KLF14: variants seen among roughly 807,000 people sequenced by gnomAD.
KLF14 encodes the protein Krueppel-like factor 14.
Under a neutral mutation model 16.2 loss-of-function variants are expected in KLF14, and 13 were observed. The ratio of observed to expected loss-of-function variants is 0.80; its 90% confidence interval spans 0.52 to 1.28. The LOEUF is 1.28. KLF14 is among the 50% of genes most tolerant of loss of function. KLF14 has a pLI of 0.00. For synonymous variants in KLF14, 276 were observed against 233.7 expected (o/e 1.18, Z -1.65); for missense variants, 571 against 493.4 (o/e 1.16, Z -1.49).
chr7:130,734,050 C>A lies in KLF14; in HGVS notation c.-17G>T, dbSNP rs1797257924. 2 of 1,210,256 alleles carry A rather than the reference C, an allele frequency of 1.7e-6. No individual in the cohort carries two copies. Among genetic ancestry groups the A allele is most frequent in the Non-Finnish European group, 2.0e-6 (2 of 976,776 alleles). 75.0% of individuals were successfully genotyped at this position (1,210,256 alleles called of 1,614,324 possible). ...GGCCGACATGCTGGGACCGCCCGGCCGCCGGCGAGCGCCGTCCGAACGCGG... is the reference window on the plus strand; with the variant it reads ...GGCCGACATGCTGGGACCGCCCGGCAGCCGGCGAGCGCCGTCCGAACGCGG... On this transcript the variant is annotated 5_prime_UTR_variant, in exon 1 of 1. Transcript: ENST00000583337. This position sits in a 1 kb window ranked among gnomAD's most constrained non-coding sequence, Gnocchi z 4.4.
At position 130,734,155 on chromosome 7, in the gene KLF14, CCTGCCGCCTG is replaced by C. The variant is rs1400386764; in HGVS notation, c.-132_-123del. 1.1e-5 allele frequency: 5 copies of C among 471,350 alleles called. No individual in the cohort carries two copies. In the East Asian group the frequency reaches 2.8e-4, roughly 27 times the overall value. The allele number at this position is 471,350 out of a possible 1,614,324, so 29.2% of individuals were successfully genotyped here. On this transcript the variant is annotated 5_prime_UTR_variant, in exon 1 of 1. Transcript: ENST00000583337. The surrounding 1 kb of genome is among the most constrained non-coding windows in gnomAD (Gnocchi z 4.4). ...GAAGCAGGAGGCCGGGTGCTCGCCG[CCTGCCGCCTG>C]CTGCCGCCGCCGCCGCCGCAGCCGC...
rs782613455 is a variant in KLF14 at position 130,733,869 on chromosome 7, C to T, written c.165G>A (p.Pro55=). The T allele has an allele frequency of 8.2e-6, 11 of 1,337,124 alleles. No homozygotes were observed. The highest frequency in any genetic ancestry group is 1.0e-5 in the Non-Finnish European group (11 of 1,052,792). 82.8% of individuals were successfully genotyped at this position (1,337,124 alleles called of 1,614,324 possible). A position where few individuals can be genotyped will look rare whatever the true frequency, so the allele number is the denominator to read the frequency against. The change falls in exon 1 of 1, where the codon CCG becomes CCA. Residue 55 remains proline, a synonymous_variant. Coordinates refer to ENST00000583337, the MANE Select transcript of KLF14 (RefSeq NM_138693.4). This position sits in a 1 kb window ranked among gnomAD's most constrained non-coding sequence, Gnocchi z 5.2. The part of the protein sequence containing the change: ...AAPPESALPG[P]GPPGPASVPQ... ...GGACCGACGCGGGCCCCGGTGGCCC[C>T]GGACCCGGCAGAGCGGACTCCGGCG...
Position 130,732,752 on chromosome 7 carries a change from G to A in KLF14, c.*310C>T, listed in dbSNP as rs1797211796. ...TGAGAATTCCAGTTTCACATCCCTG[G>A]TTCCAGGGAGGGGAGAATCTTCAGT... On this transcript the variant is annotated 3_prime_UTR_variant, in exon 1 of 1. Coordinates refer to ENST00000583337, the MANE Select transcript of KLF14 (RefSeq NM_138693.4). 3.8e-6 allele frequency: 1 copy of A among 264,458 alleles called. No individual in the cohort carries two copies. Among genetic ancestry groups the A allele is most frequent in the Non-Finnish European group, 7.2e-6 (1 of 138,780 alleles). The allele number at this position is 264,458 out of a possible 1,614,324, so 16.4% of individuals were successfully genotyped here. A position where few individuals can be genotyped will look rare whatever the true frequency, so the allele number is the denominator to read the frequency against.
At position 130,733,379 on chromosome 7, in the gene KLF14, G is replaced by A. The variant is rs781895082; in HGVS notation, c.655C>T (p.His219Tyr). 6.2e-7 allele frequency: 1 copy of A among 1,614,164 alleles called. No individual in the cohort carries two copies. The highest frequency in any genetic ancestry group is 1.1e-5 in the South Asian group (1 of 91,072). ...CAGGAGAAAGGGCGCTCACCCGTGT[G>A]GGTGCGCTGGTGGGACTTGAGGTGC... ...SSHLKSHQRT[H>Y]TGERPFSCDW... Residue 219 changes from histidine to tyrosine, a missense_variant, in exon 1 of 1, where the codon CAC becomes TAC. Coordinates refer to ENST00000583337, the MANE Select transcript of KLF14 (RefSeq NM_138693.4). This position sits in a 1 kb window ranked among gnomAD's most constrained non-coding sequence, Gnocchi z 5.2.
At position 130,734,005 on chromosome 7, in the gene KLF14, T is replaced by C. The variant is rs1554471212; in HGVS notation, c.29A>G (p.Tyr10Cys). ...GGACACCAGGCACTCGGCGGCGAAG[T>C]AGTCCAGGCACGCCACGGCGGCCGA... Reference protein sequence around the residue: MSAAVACLDYFAAECLVSMS... With the variant: MSAAVACLDCFAAECLVSMS... Residue 10 changes from tyrosine (Y) to cysteine (C), a missense_variant, in exon 1 of 1, where the codon TAC becomes TGC. Tyr to Cys is a radical substitution (Grantham distance 194). Transcript: ENST00000583337. This position sits in a 1 kb window ranked among gnomAD's most constrained non-coding sequence, Gnocchi z 4.4. The C allele has an allele frequency of 2.2e-6, 3 of 1,367,750 alleles. No individual in the cohort carries two copies. The highest frequency in any genetic ancestry group is 1.5e-5 in the South Asian group (1 of 68,572). 84.7% of individuals were successfully genotyped at this position (1,367,750 alleles called of 1,614,324 possible). A position where few individuals can be genotyped will look rare whatever the true frequency, so the allele number is the denominator to read the frequency against.
Position 130,733,942 on chromosome 7 carries a change from T to C in KLF14, c.92A>G (p.Asp31Gly). The change falls in exon 1 of 1, where the codon GAC becomes GGC. Residue 31 changes from aspartate (D) to glycine (G), a missense_variant. Physicochemically the swap from Asp to Gly is moderately conservative, Grantham distance 94. Coordinates refer to ENST00000583337, the MANE Select transcript of KLF14 (RefSeq NM_138693.4). This position sits in a 1 kb window ranked among gnomAD's most constrained non-coding sequence, Gnocchi z 5.2. ...AGCGGCTCCACCCGCGCCCTCGGGG[T>C]CCGGCGGGCGGCGGTGAACCACGGC... ...AGAVVHRRPPDPEGAGGAAGS... is the reference protein window; with the variant it reads ...AGAVVHRRPPGPEGAGGAAGS... 3 of 1,357,502 alleles carry C rather than the reference T, an allele frequency of 2.2e-6. No homozygotes were observed. Among genetic ancestry groups the C allele is most frequent in the Non-Finnish European group, 1.9e-6 (2 of 1,052,384 alleles). 84.1% of individuals were successfully genotyped at this position (1,357,502 alleles called of 1,614,324 possible). A position where few individuals can be genotyped will look rare whatever the true frequency, so the allele number is the denominator to read the frequency against.
chr7:130,733,651 T>C lies in KLF14; in HGVS notation c.383A>G (p.Glu128Gly). The C allele has an allele frequency of 6.4e-7, 1 of 1,553,838 alleles. No homozygotes were observed. The highest frequency in any genetic ancestry group is 8.7e-7 in the Non-Finnish European group (1 of 1,153,882). ...CGCGGCGCCGGAGGCGGGAGCCAGC[T>C]CGGAGCACGGGGTCTGGACGGAGCA... Reference protein sequence around the residue: ...IPCSVQTPCSELAPASGAAAV... With the variant: ...IPCSVQTPCSGLAPASGAAAV... The change falls in exon 1 of 1, where the codon GAG (glutamate) becomes GGG (glycine). Residue 128 changes from glutamate (E) to glycine (G), a missense_variant. By Grantham distance (98) the Glu-to-Gly change is moderately conservative. Coordinates refer to ENST00000583337, the MANE Select transcript of KLF14 (RefSeq NM_138693.4). The surrounding 1 kb of genome is among the most constrained non-coding windows in gnomAD (Gnocchi z 5.2).
chr7:130,733,975 G>A lies in KLF14; in HGVS notation c.59C>T (p.Ser20Phe). ...YFAAECLVSM[S>F]AGAVVHRRPP... The stretch of plus-strand genomic sequence containing the variant: ...GCGGCGGTGAACCACGGCGCCCGCG[G>A]ACATGGACACCAGGCACTCGGCGGC... The change falls in exon 1 of 1, where the codon TCC (serine) becomes TTC (phenylalanine). Residue 20 changes from serine (S) to phenylalanine (F), a missense_variant. Coordinates refer to ENST00000583337, the MANE Select transcript of KLF14 (RefSeq NM_138693.4). This position sits in a 1 kb window ranked among gnomAD's most constrained non-coding sequence, Gnocchi z 5.2. 9 of 1,380,074 alleles carry A rather than the reference G, an allele frequency of 6.5e-6. No homozygotes were observed. Among genetic ancestry groups the A allele is most frequent in the Non-Finnish European group, 8.5e-6 (9 of 1,062,048 alleles). 85.5% of individuals were successfully genotyped at this position (1,380,074 alleles called of 1,614,324 possible).
rs1797209244 is a variant in KLF14, at chr7:130,732,636, A to C, written c.*426T>G. 1 of 169,498 alleles carries C rather than the reference A, an allele frequency of 5.9e-6. No homozygotes were observed. The highest frequency in any genetic ancestry group is 1.9e-4 in the South Asian group (1 of 5,226). The allele number at this position is 169,498 out of a possible 1,614,324, so 10.5% of individuals were successfully genotyped here. On this transcript the variant is annotated 3_prime_UTR_variant, in exon 1 of 1. Coordinates refer to ENST00000583337, the MANE Select transcript of KLF14 (RefSeq NM_138693.4). ...ACCATCCCAGTCCTGGACATTTCCA[A>C]GACTGCCACCCCTGACACCCTCTCC...
rs1554470995 is a variant in KLF14 at position 130,733,656 on chromosome 7, G to A, written c.378C>T (p.Cys126=). 1.9e-6 allele frequency: 3 copies of A among 1,557,528 alleles called. No homozygotes were observed. Among genetic ancestry groups the A allele is most frequent in the Non-Finnish European group, 2.6e-6 (3 of 1,155,796 alleles). Reference sequence around the variant, plus strand: ...CGCCGGAGGCGGGAGCCAGCTCGGAGCACGGGGTCTGGACGGAGCACGGGA... The same window carrying A: ...CGCCGGAGGCGGGAGCCAGCTCGGAACACGGGGTCTGGACGGAGCACGGGA... ...DPIPCSVQTP[C]SELAPASGAA... is the part of the protein sequence containing the mutation. The change falls in exon 1 of 1, where the codon TGC becomes TGT. Residue 126 remains cysteine (C), a synonymous_variant. Coordinates refer to ENST00000583337, the MANE Select transcript of KLF14 (RefSeq NM_138693.4). The surrounding 1 kb of genome is among the most constrained non-coding windows in gnomAD (Gnocchi z 5.2).
rs111731678 is a variant in KLF14, at chr7:130,733,917, A to T, written c.117T>A (p.Ala39=). ...GCGGCGCCGCACCCACCTCCGAGCCAGCGGCTCCACCCGCGCCCTCGGGGT... is the reference window on the plus strand; with the variant it reads ...GCGGCGCCGCACCCACCTCCGAGCCTGCGGCTCCACCCGCGCCCTCGGGGT... ...PPDPEGAGGA[A]GSEVGAAPPE... The change falls in exon 1 of 1, where the codon GCT becomes GCA. Residue 39 remains alanine (A), a synonymous_variant. Transcript: ENST00000583337. The surrounding 1 kb of genome is among the most constrained non-coding windows in gnomAD (Gnocchi z 5.2). 1,082,069 of 1,354,838 alleles carry T rather than the reference A, an allele frequency of 0.8. 433,672 individuals are homozygous for T. The highest frequency in any genetic ancestry group is 0.81 in the South Asian group (50,180 of 61,754). 83.9% of individuals were successfully genotyped at this position (1,354,838 alleles called of 1,614,324 possible). A position where few individuals can be genotyped will look rare whatever the true frequency, so the allele number is the denominator to read the frequency against.
chr7:130,731,002 C>T lies in KLF14; in HGVS notation c.*2060G>A, dbSNP rs1368136384. Among the ~76,000 whole-genome samples the T allele has an allele frequency of 6.6e-6, 1 of 152,196 alleles. No individual in the cohort carries two copies. Among genetic ancestry groups the T allele is most frequent in the Non-Finnish European group, 1.5e-5 (1 of 68,030 alleles). On this transcript the variant is annotated 3_prime_UTR_variant, in exon 1 of 1. Coordinates refer to ENST00000583337, the MANE Select transcript of KLF14 (RefSeq NM_138693.4). ...TCCCACATGTAACTCAACAGCCCCA[C>T]CTTCCCTGCTTAGCCTTCATTAGGA...
At position 130,733,758 on chromosome 7, in the gene KLF14, C is replaced by T; in HGVS notation, c.276G>A (p.Leu92=). 1 of 1,528,894 alleles carries T rather than the reference C, an allele frequency of 6.5e-7. No homozygotes were observed. The highest frequency in any genetic ancestry group is 8.7e-7 in the Non-Finnish European group (1 of 1,145,640). The allele number at this position is 1,528,894 out of a possible 1,614,324, so 94.7% of individuals were successfully genotyped here. ...AGGAGCCCTCGCCAGAGCTGCCGCG[C>T]AAGTCCGCCCAGACGCTTGCAGCCA... The part of the protein sequence containing the change: ...HLLAASVWAD[L]RGSSGEGSWE... The change falls in exon 1 of 1, where the codon TTG becomes TTA. Residue 92 remains leucine, a synonymous_variant. Transcript: ENST00000583337. The surrounding 1 kb of genome is among the most constrained non-coding windows in gnomAD (Gnocchi z 5.2).
rs1349016720 is a variant in KLF14, at chr7:130,733,854, GGGCCCCGGT to G, written c.171_179del (p.Pro58_Pro60del). On this transcript the variant is annotated inframe_deletion, in exon 1 of 1. Coordinates refer to ENST00000583337, the MANE Select transcript of KLF14 (RefSeq NM_138693.4). The surrounding 1 kb of genome is among the most constrained non-coding windows in gnomAD (Gnocchi z 5.2). ...CCTGCGGGAGCTGGGGGACCGACGC[GGGCCCCGGT>G]GGCCCCGGACCCGGCAGAGCGGACT... The G allele has an allele frequency of 2.8e-5, 37 of 1,343,232 alleles. No individual in the cohort carries two copies. The highest frequency in any genetic ancestry group is 2.8e-4 in the Middle Eastern group (1 of 3,622). 83.2% of individuals were successfully genotyped at this position (1,343,232 alleles called of 1,614,324 possible).
Position 130,734,167 on chromosome 7 carries a change from T to C in KLF14, c.-134A>G, listed in dbSNP as rs1180659608. On this transcript the variant is annotated 5_prime_UTR_variant, in exon 1 of 1. Transcript: ENST00000583337. This position sits in a 1 kb window ranked among gnomAD's most constrained non-coding sequence, Gnocchi z 4.4. ...CGGGTGCTCGCCGCCTGCCGCCTGC[T>C]GCCGCCGCCGCCGCCGCAGCCGCCG... 2 of 360,514 alleles carry C rather than the reference T, an allele frequency of 5.5e-6. No individual in the cohort carries two copies. Among genetic ancestry groups the C allele is most frequent in the Non-Finnish European group, 7.8e-6 (2 of 255,034 alleles). The allele number at this position is 360,514 out of a possible 1,614,324, so 22.3% of individuals were successfully genotyped here. A position where few individuals can be genotyped will look rare whatever the true frequency, so the allele number is the denominator to read the frequency against.
At position 130,733,233 on chromosome 7, in the gene KLF14, G is replaced by T; in HGVS notation, c.801C>A (p.Ser267Arg). ...GGCGAGCATGCTTGGTCAGGTGGTC[G>T]CTCCGGGAGAACTGCTTGGGGCAGA... ...CPLCPKQFSRSDHLTKHARRH... is the reference protein window; with the variant it reads ...CPLCPKQFSRRDHLTKHARRH... Residue 267 changes from serine to arginine, a missense_variant, in exon 1 of 1, where the codon AGC becomes AGA. Transcript: ENST00000583337. The surrounding 1 kb of genome is among the most constrained non-coding windows in gnomAD (Gnocchi z 5.2). 1 of 1,610,376 alleles carries T rather than the reference G, an allele frequency of 6.2e-7. No homozygotes were observed. The highest frequency in any genetic ancestry group is 8.5e-7 in the Non-Finnish European group (1 of 1,178,392).
Position 130,732,852 on chromosome 7 carries a change from G to A in KLF14, c.*210C>T, listed in dbSNP as rs922966082. Reference sequence around the variant, plus strand: ...GTCTTGAGGCAACCCCCACTTTTAGGATGATATACACGTTGCAAGAATTCC... The same window carrying A: ...GTCTTGAGGCAACCCCCACTTTTAGAATGATATACACGTTGCAAGAATTCC... On this transcript the variant is annotated 3_prime_UTR_variant, in exon 1 of 1. Coordinates refer to ENST00000583337, the MANE Select transcript of KLF14 (RefSeq NM_138693.4). The A allele has an allele frequency of 1.2e-5, 7 of 586,870 alleles. No homozygotes were observed. The highest frequency in any genetic ancestry group is 2.0e-5 in the Non-Finnish European group (7 of 343,052). 36.4% of individuals were successfully genotyped at this position (586,870 alleles called of 1,614,324 possible). A position where few individuals can be genotyped will look rare whatever the true frequency, so the allele number is the denominator to read the frequency against.
Position 130,732,214 on chromosome 7 carries a change from G to A in KLF14, c.*848C>T, listed in dbSNP as rs183604651. 1 of 152,390 alleles carries A rather than the reference G, an allele frequency of 6.6e-6. No homozygotes were observed. The highest frequency in any genetic ancestry group is 1.5e-5 in the Non-Finnish European group (1 of 68,060). The allele number at this position is 152,390 out of a possible 1,614,324, so 9.4% of individuals were successfully genotyped here. On this transcript the variant is annotated 3_prime_UTR_variant, in exon 1 of 1. Coordinates refer to ENST00000583337, the MANE Select transcript of KLF14 (RefSeq NM_138693.4). ...CGCTTGAGTTTTCTCTCTGAGTGAA[G>A]GGGGAACTAGTCTGGACCACCCTTT...
Position 130,732,819 on chromosome 7 carries a change from T to TG in KLF14, c.*242dup. ...GAGTTCATCCCTTCTTATCAGTTCC[T>TG]GGGGGCTGTCTTGAGGCAACCCCCA... On this transcript the variant is annotated 3_prime_UTR_variant, in exon 1 of 1. Transcript: ENST00000583337. 1 of 516,824 alleles carries TG rather than the reference T, an allele frequency of 1.9e-6. No individual in the cohort carries two copies. 32.0% of individuals were successfully genotyped at this position (516,824 alleles called of 1,614,324 possible). A position where few individuals can be genotyped will look rare whatever the true frequency, so the allele number is the denominator to read the frequency against.
Sources: allele counts gnomAD v4.1 joint callset (sites outside exome capture counted in the v4.1 genomes callset), GRCh38; gene constraint gnomAD v4.1.1; non-coding constraint Gnocchi (gnomAD v3.1); transcripts MANE v1.5; gene names NCBI Gene and HGNC (gene_info 2026-07-23, HGNC 2026-07-21).